MMP16: variants seen among roughly 807,000 people sequenced by gnomAD.
MMP16 encodes the protein matrix metallopeptidase 16.
Under a neutral mutation model 67.8 loss-of-function variants are expected in MMP16, and 12 were observed. The ratio of observed to expected loss-of-function variants is 0.18; its 90% CI spans 0.11 to 0.29. MMP16 has a LOEUF of 0.29. Ranked by LOEUF, MMP16 falls within the 10% of genes least tolerant of loss-of-function variation. The pLI is 1.00. For synonymous variants in MMP16, 249 were observed against 255.9 expected (o/e 0.97, Z 0.26); for missense variants, 475 against 765.7 (o/e 0.62, Z 4.48).
chr8:88,276,389 TG>T (rs1489803264), intron 1 of MMP16, among the ~76,000 whole-genome samples: 1 of 152,128 alleles, frequency 6.6e-6, no homozygotes, highest in East Asian at 1.9e-4. Flanking sequence ...TCATTTCCCT[TG>T]AGGATAATTC....
chr8:88,243,253 T>C (rs1810059626), intron 1 of MMP16, among the ~76,000 whole-genome samples: 1 of 152,174 alleles, frequency 6.6e-6, no homozygotes, highest in African/African-American at 2.4e-5. Context: ...AAGCATAGTA[T>C]TTGGATTCAA....
intron 1 of MMP16, among the ~76,000 whole-genome samples, chr8:88,247,657 A>C (rs1239617477): frequency 2.0e-5 from 3 of 152,122 alleles, no homozygotes; most frequent in African/African-American, 7.2e-5. Flanking sequence ...AAGGTAGGAA[A>C]ACCCTGGAAC....
intron 7 of MMP16, among the ~76,000 whole-genome samples, chr8:88,056,949 A>C (rs1482459732): frequency 1.3e-5 from 2 of 152,176 alleles, no homozygotes; most frequent in Non-Finnish European, 2.9e-5. Context: ...GGCTTTAGTC[A>C]GTTTTATTGC....
At position 88,282,764 on chromosome 8, in the gene MMP16, T is replaced by G. The variant is rs936993176; in HGVS notation, c.132+44311A>C. On this transcript the variant is annotated intron_variant, in intron 1 of 9. Coordinates refer to ENST00000286614, the MANE Select transcript of MMP16 (RefSeq NM_005941.5). ...TTAAAAAATAGTTATGGGAATTAGT[T>G]TGTCAAATGCTTTTTGGCATTCTTC... is the stretch of plus-strand genomic sequence containing the variant. 2.6e-5 allele frequency among the ~76,000 whole-genome samples: 4 copies of G among 152,320 alleles called. No homozygotes were observed. The East Asian group carries it at 7.7e-4, about 29-fold the overall frequency.
chr8:88,313,709 G>A (rs548725525), intron 1 of MMP16, among the ~76,000 whole-genome samples: 13 of 152,168 alleles, frequency 8.5e-5, no homozygotes, highest in Non-Finnish European at 1.6e-4. Flanking sequence ...TGCTGATAAA[G>A]ACATACCCAA....
At chr8:88,122,407 T>C (rs1393389208) in intron 4 of MMP16, among the ~76,000 whole-genome samples, 2 of 152,068 alleles carry the variant, frequency 1.3e-5, no homozygotes, top group African/African-American at 4.8e-5. Context: ...CTGTGTATAC[T>C]TGGCCTTTCA....
At chr8:88,169,278 G>T (rs191777500) in intron 3 of MMP16, among the ~76,000 whole-genome samples, 2 of 151,998 alleles carry the variant, frequency 1.3e-5, no homozygotes, top group African/African-American at 2.4e-5. Flanking sequence ...CTGATTCTCT[G>T]TCAATACAAT....
intron 1 of MMP16, among the ~76,000 whole-genome samples, chr8:88,278,962 T>C (rs1390001414): frequency 6.6e-6 from 1 of 152,148 alleles, no homozygotes; most frequent in Non-Finnish European, 1.5e-5. Flanking sequence ...CTCATGTGGC[T>C]ATTGAACACT....
chr8:88,211,611 A>C (rs915630851), intron 1 of MMP16, among the ~76,000 whole-genome samples: 2 of 152,128 alleles, frequency 1.3e-5, no homozygotes, highest in African/African-American at 4.8e-5. Flanking sequence ...TAAATCCCTG[A>C]GTTTATAAAA....
At chr8:88,129,706 C>T (rs76710482) in intron 4 of MMP16, among the ~76,000 whole-genome samples, 8,244 of 151,160 alleles carry the variant, frequency 0.055, 353 homozygotes, top group Admixed American at 0.11. Flanking sequence ...TAAAGATATA[C>T]AATAGCAAAA....
chr8:88,242,087 T>C (rs577877516), intron 1 of MMP16, among the ~76,000 whole-genome samples: 19 of 152,298 alleles, frequency 1.2e-4, no homozygotes, highest in South Asian at 4.1e-4. Flanking sequence ...CAGGGCAACA[T>C]ACATAATATT....
At chr8:88,256,670 T>TCTCC (rs1459370737) in intron 1 of MMP16, among the ~76,000 whole-genome samples, 2 of 147,398 alleles carry the variant, frequency 1.4e-5, no homozygotes, top group African/African-American at 5.0e-5. Flanking sequence ...CCCATCTCTC[T>TCTCC]CTCTCTCTCT....
intron 6 of MMP16, among the ~76,000 whole-genome samples, chr8:88,110,833 G>T (rs921085580): frequency 1.3e-5 from 2 of 151,580 alleles, no homozygotes; most frequent in Non-Finnish European, 3.0e-5. Flanking sequence ...ATCAGAATTT[G>T]AGTTAATTAA....
intron 4 of MMP16, among the ~76,000 whole-genome samples, chr8:88,125,577 A>G (rs1807916073): frequency 6.6e-6 from 1 of 151,950 alleles, no homozygotes. Flanking sequence ...CTAGGAAAAT[A>G]TTTGAATAAT....
At position 88,041,708 on chromosome 8, in the gene MMP16, A is replaced by G; in HGVS notation, c.1577T>C (p.Leu526Pro). Residue 526 changes from leucine (L) to proline (P), a missense_variant, in exon 10 of 10, where the codon CTC (leucine) becomes CCC (proline). Physicochemically the swap from Leu to Pro is moderately conservative, Grantham distance 98 (BLOSUM62 -3). Around this residue, in one of 5 missense-constraint regions of MMP16, gnomAD observed 23 missense variants for 79.1 expected, o/e 0.29. Coordinates refer to ENST00000286614, the MANE Select transcript of MMP16 (RefSeq NM_005941.5). This position sits in a 1 kb window ranked among gnomAD's most constrained non-coding sequence, Gnocchi z 6.0. The part of the protein sequence containing the change: ...KVEPGYPRSI[L>P]KDFMGCDGPT... ...TCCATCACAGCCCATAAAATCCTTG[A>G]GGATGGATCTTGGATATCCAGGTTC... 1 of 1,613,986 alleles carries G rather than the reference A, an allele frequency of 6.2e-7. No homozygotes were observed. The highest frequency in any genetic ancestry group is 8.5e-7 in the Non-Finnish European group (1 of 1,179,980).
intron 1 of MMP16, among the ~76,000 whole-genome samples, chr8:88,237,441 A>G (rs907445166): frequency 2.5e-4 from 38 of 152,184 alleles, no homozygotes; most frequent in African/African-American, 9.1e-4. Context: ...CAAGGTCAGG[A>G]GACTGAGACC....
chr8:88,131,932 T>G (rs1808037175), intron 4 of MMP16, among the ~76,000 whole-genome samples: 1 of 151,922 alleles, frequency 6.6e-6, no homozygotes, highest in Non-Finnish European at 1.5e-5. Flanking sequence ...AGAATTGAAC[T>G]GTTTATGAAT....
intron 4 of MMP16, among the ~76,000 whole-genome samples, chr8:88,160,972 C>G (rs1046068357): frequency 6.6e-6 from 1 of 152,114 alleles, no homozygotes; most frequent in Admixed American, 6.6e-5. Flanking sequence ...AGGATTTTTG[C>G]ATCGATGTTC....
At chr8:88,082,727 T>C (rs1808772437) in intron 6 of MMP16, among the ~76,000 whole-genome samples, 2 of 152,034 alleles carry the variant, frequency 1.3e-5, no homozygotes, top group African/African-American at 2.4e-5. Flanking sequence ...TGAAGCATAC[T>C]AAAAGTGTGG....
Sources: gnomAD v4.1 joint callset for allele counts (sites outside exome capture counted in the v4.1 genomes callset) on GRCh38, gnomAD v4.1.1 for gene constraint, gnomAD v4.1.1 regional missense constraint, Gnocchi (gnomAD v3.1) non-coding constraint, MANE v1.5 for transcripts, NCBI Gene and HGNC (gene_info 2026-07-23, HGNC 2026-07-21) for gene names.